The following ARHGEF7 variants were observed in gnomAD, a reference collection of about 807,000 sequenced individuals.
ARHGEF7 encodes Rho guanine nucleotide exchange factor 7, also known as PAK-interacting exchange factor beta.
Under a neutral mutation model 109.8 loss-of-function variants are expected in ARHGEF7, and 33 were observed. The ratio of observed to expected loss-of-function variants is 0.30; its 90% confidence interval spans 0.23 to 0.40. The LOEUF is 0.40. ARHGEF7 is among the 10% of genes least tolerant of loss of function. The probability of loss-of-function intolerance (pLI) is 1.00; values close to 1 mark genes in which losing one functional copy is unlikely to be tolerated. For synonymous variants in ARHGEF7, 458 were observed against 424.6 expected (o/e 1.08, Z -0.97); for missense variants, 938 against 1,098.5 (o/e 0.85, Z 2.07).
At chr13:111,199,705 A>C (rs1477971157) in intron 2 of ARHGEF7, among the ~76,000 whole-genome samples, 3 of 152,220 alleles carry the variant, frequency 2.0e-5, no homozygotes, top group Admixed American at 6.5e-5. Flanking sequence ...CATGGCAAAA[A>C]TTAAGGCTGG....
chr13:111,294,106 C>A, intron 19 of ARHGEF7: 1 of 985,320 alleles, frequency 1.0e-6, no homozygotes, highest in Non-Finnish European at 1.2e-6. Flanking sequence ...CAGTCAGAGC[C>A]CAGTGTTAAT....
chr13:111,225,821 C>T (rs1186954181), intron 5 of ARHGEF7, among the ~76,000 whole-genome samples: 1 of 152,160 alleles, frequency 6.6e-6, no homozygotes, highest in Admixed American at 6.5e-5. Flanking sequence ...CACTCATTCC[C>T]TGAGACACAA....
intron 2 of ARHGEF7, among the ~76,000 whole-genome samples, chr13:111,170,298 A>C (rs777544910): frequency 6.6e-6 from 1 of 152,184 alleles, no homozygotes; most frequent in Admixed American, 6.5e-5. Context: ...AGGTCTTGCC[A>C]TGTTGGCCAG....
intron 2 of ARHGEF7, among the ~76,000 whole-genome samples, chr13:111,165,478 C>T (rs1171740668): frequency 6.6e-6 from 1 of 152,212 alleles, no homozygotes; most frequent in African/African-American, 2.4e-5. Context: ...TGTTTTGCCA[C>T]CGTGACAATG....
intron 9 of ARHGEF7, among the ~76,000 whole-genome samples, chr13:111,268,703 T>C (rs1195085564): frequency 6.6e-6 from 1 of 152,148 alleles, no homozygotes; most frequent in Admixed American, 6.6e-5. Context: ...TGGGCAGATT[T>C]CCTCCTGTCT....
intron 2 of ARHGEF7, among the ~76,000 whole-genome samples, chr13:111,197,374 C>T (rs772000380): frequency 1.2e-4 from 18 of 152,248 alleles, no homozygotes; most frequent in South Asian, 2.1e-4. Context: ...TGGCCCTTAC[C>T]GACGCATTCT....
At chr13:111,195,159 G>A (rs2080343332) in intron 2 of ARHGEF7, among the ~76,000 whole-genome samples, 1 of 152,154 alleles carries the variant, frequency 6.6e-6, no homozygotes, top group Non-Finnish European at 1.5e-5. Flanking sequence ...AAGGAAAAGT[G>A]GTGGGATCTT....
intron 2 of ARHGEF7, among the ~76,000 whole-genome samples, chr13:111,181,779 G>A (rs2078757436): frequency 6.6e-6 from 1 of 152,306 alleles, no homozygotes; most frequent in African/African-American, 2.4e-5. Context: ...TCATGGGGTT[G>A]GGACTCAGAG....
chr13:111,135,804 T>G (rs1228827192), intron 1 of ARHGEF7, among the ~76,000 whole-genome samples: 5 of 152,226 alleles, frequency 3.3e-5, no homozygotes, highest in Non-Finnish European at 5.9e-5. Context: ...TCCTTCCTGA[T>G]TGCCCTGGCT....
At chr13:111,191,705 G>A (rs1181304714) in intron 2 of ARHGEF7, among the ~76,000 whole-genome samples, 1 of 152,098 alleles carries the variant, frequency 6.6e-6, no homozygotes, top group African/African-American at 2.4e-5. Flanking sequence ...TGGAAGGGGA[G>A]GGGTGATTGT....
chr13:111,185,093 C>G (rs969208163), intron 2 of ARHGEF7: 1 of 152,014 alleles, frequency 6.6e-6, no homozygotes, highest in East Asian at 1.9e-4. Context: ...CCGCAGGCTT[C>G]TCTTTAATTA....
intron 9 of ARHGEF7, among the ~76,000 whole-genome samples, chr13:111,269,435 G>A (rs949753855): frequency 5.3e-5 from 8 of 152,174 alleles, no homozygotes; most frequent in Non-Finnish European, 8.8e-5. Flanking sequence ...CAGTGCTTGC[G>A]GGCGTGTGCT....
chr13:111,251,309 G>GA (rs2089734855), intron 8 of ARHGEF7, among the ~76,000 whole-genome samples: 1 of 152,218 alleles, frequency 6.6e-6, no homozygotes, highest in Non-Finnish European at 1.5e-5. Context: ...ATTGGCTGTG[G>GA]CTGGAGCCTG....
At chr13:111,152,578 T>A (rs1447202094) in intron 1 of ARHGEF7, among the ~76,000 whole-genome samples, 2 of 152,224 alleles carry the variant, frequency 1.3e-5, no homozygotes, top group Non-Finnish European at 2.9e-5. Context: ...TGTATAATTT[T>A]AAAACACCTG....
intron 1 of ARHGEF7, chr13:111,153,659 G>A (rs2076040216): frequency 5.7e-6 from 7 of 1,227,010 alleles, no homozygotes; most frequent in African/African-American, 1.6e-5. Flanking sequence ...TTCCGGCGCC[G>A]GGGCTCACTT....
intron 2 of ARHGEF7, among the ~76,000 whole-genome samples, chr13:111,160,629 G>A (rs112150356): frequency 3.2e-4 from 49 of 152,216 alleles, no homozygotes; most frequent in African/African-American, 1.1e-3. Flanking sequence ...CCTGGGCTAC[G>A]TGGCAAAACC....
In ARHGEF7 at chr13:111,134,819, TG is replaced by T. The variant is rs2075004517; in HGVS notation, c.166-19084del. On this transcript the variant is annotated intron_variant, in intron 1 of 21. Coordinates refer to ENST00000646102, the MANE Select transcript of ARHGEF7 (RefSeq NM_001354046.2). ...TTAATTAGATCCCATTTGTCAATTT[TG>T]GCTTTTGTTGCCATTGCTTTTGGTG... is the stretch of plus-strand genomic sequence containing the variant. Among the ~76,000 whole-genome samples, 3 of 152,314 alleles carry T rather than the reference TG, an allele frequency of 2.0e-5. No individual in the cohort carries two copies. In the South Asian group the frequency reaches 6.2e-4, roughly 32 times the overall value.
intron 2 of ARHGEF7, among the ~76,000 whole-genome samples, chr13:111,199,332 T>C (rs1309110383): frequency 6.6e-6 from 1 of 152,178 alleles, no homozygotes. Context: ...CAATATCAGC[T>C]CTTAGAACTT....
chr13:111,279,932 C>G (rs2092694521), intron 13 of ARHGEF7, among the ~76,000 whole-genome samples: 1 of 152,188 alleles, frequency 6.6e-6, no homozygotes, highest in Non-Finnish European at 1.5e-5. Context: ...TTTAAAACAA[C>G]TGTTATACAC....
Sources: allele counts gnomAD v4.1 joint callset (sites outside exome capture counted in the v4.1 genomes callset), GRCh38; gene constraint gnomAD v4.1.1; transcripts MANE v1.5; gene names NCBI Gene and HGNC (gene_info 2026-07-23, HGNC 2026-07-21).